Variants in EFNB1 observed in about 807,000 individuals in gnomAD.
The protein encoded by EFNB1 is ephrin-B1.
A neutral mutation model predicts 18.1 loss-of-function variants in EFNB1; 1 was observed. The ratio of observed to expected loss-of-function variants is 0.06; its 90% CI spans 0.02 to 0.26. EFNB1 has a LOEUF of 0.26. Ranked by LOEUF, EFNB1 falls within the 10% of genes least tolerant of loss-of-function variation. The pLI, the probability that EFNB1 is intolerant of heterozygous loss-of-function variation, is 1.00. For synonymous variants in EFNB1, 131 were observed against 127.5 expected, an observed-to-expected ratio of 1.03 and a Z score of -0.19; for missense variants, 221 against 301.8, an observed-to-expected ratio of 0.73 and a Z score of 1.98.
intron 1 of EFNB1, among the ~76,000 whole-genome samples, chrX:68,835,052 G>T (rs1289876922): frequency 8.9e-6 from 1 of 112,294 alleles, no homozygotes; most frequent in Non-Finnish European, 1.9e-5. Context: ...CATATCCCAG[G>T]ATTCTTTGTG....
At chrX:68,838,139 G>A (rs1035429825) in intron 1 of EFNB1, among the ~76,000 whole-genome samples, 1 of 44,235 alleles carries the variant, frequency 2.3e-5, no homozygotes, top group African/African-American at 1.5e-4. Flanking sequence ...GTATGTGTGT[G>A]TGTGTGTGTG....
chrX:68,836,003 C>G (rs1296161895), intron 1 of EFNB1, among the ~76,000 whole-genome samples: 1 of 111,586 alleles, frequency 9.0e-6, no homozygotes, highest in African/African-American at 3.3e-5. Context: ...TCTCCCTTTC[C>G]GTGCCCTCTA....
intron 1 of EFNB1, among the ~76,000 whole-genome samples, chrX:68,834,994 C>A (rs2080456914): frequency 8.9e-6 from 1 of 112,455 alleles, no homozygotes; most frequent in African/African-American, 3.2e-5. Context: ...TGGTTTCTGG[C>A]CAGTCCAGGG....
chrX:68,829,821 G>C lies in EFNB1; in HGVS notation c.45G>C (p.Ala15=). ...GTTGGCTCGGCAAGTGGCTTGTGGCGATGGTCGTGTGGGCGCTGTGCCGGC... is the reference window on the plus strand; with the variant it reads ...GTTGGCTCGGCAAGTGGCTTGTGGCCATGGTCGTGTGGGCGCTGTGCCGGC... ...GQRWLGKWLV[A]MVVWALCRLA... Residue 15 remains alanine, a synonymous_variant, in exon 1 of 5, where the codon GCG becomes GCC. Coordinates refer to ENST00000204961, the MANE Select transcript of EFNB1 (RefSeq NM_004429.5). 1 of 1,183,790 alleles carries C rather than the reference G, an allele frequency of 8.4e-7. No individual in the cohort carries two copies. The highest frequency in any genetic ancestry group is 1.9e-5 in the South Asian group (1 of 53,653).
chrX:68,840,480 G>A lies in EFNB1; in HGVS notation c.867G>A (p.Lys289=). 8.3e-7 allele frequency: 1 copy of A among 1,211,280 alleles called. No homozygotes were observed. The highest frequency in any genetic ancestry group is 1.8e-5 in the South Asian group (1 of 56,886). Reference sequence around the variant, plus strand: ...CGCTCAGTACCCTGGCCAGTCCCAAGGGGGGCAGTGGCACAGCGGGCACCG... The same window carrying A: ...CGCTCAGTACCCTGGCCAGTCCCAAAGGGGGCAGTGGCACAGCGGGCACCG... ...ALSLSTLASP[K]GGSGTAGTEP... The change falls in exon 5 of 5, where the codon AAG becomes AAA. Residue 289 remains lysine, a synonymous_variant. Coordinates refer to ENST00000204961, the MANE Select transcript of EFNB1 (RefSeq NM_004429.5).
rs898377370 is a variant in EFNB1, at chrX:68,829,634, G to A, written c.-143G>A. The stretch of plus-strand genomic sequence containing the variant: ...GGCGGAGAAGAGCGACACCGAAGCC[G>A]GCGGGAGGGGAGCACTTCAAGGCCG... On this transcript the variant is annotated 5_prime_UTR_variant, in exon 1 of 5. Transcript: ENST00000204961. 6.9e-6 allele frequency: 7 copies of A among 1,017,686 alleles called. No individual in the cohort carries two copies. The African/African-American group carries it at 1.1e-4, about 16-fold the overall frequency. The allele number at this position is 1,017,686 out of a possible 1,213,427, so 83.9% of individuals were successfully genotyped here.
chrX:68,838,544 C>T (rs1001112997), intron 1 of EFNB1, 73 bp from the exon 2 acceptor site: 535 of 1,175,096 alleles, frequency 4.6e-4, no homozygotes, highest in Non-Finnish European at 5.9e-4. Context: ...GGCTCTTGTC[C>T]GCTTCCCTGG....
rs776263722 is a variant in EFNB1, at chrX:68,829,794, G to A, written c.18G>A (p.Gln6=). MARPG[Q]RWLGKWLVAM... ...CCGGGAAGATGGCTCGGCCTGGGCA[G>A]CGTTGGCTCGGCAAGTGGCTTGTGG... Residue 6 remains glutamine, a synonymous_variant, in exon 1 of 5, where the codon CAG becomes CAA. Coordinates refer to ENST00000204961, the MANE Select transcript of EFNB1 (RefSeq NM_004429.5). The A allele has an allele frequency of 1.3e-4, 159 of 1,190,625 alleles. No homozygotes were observed. In the South Asian group the frequency reaches 2.8e-3, roughly 21 times the overall value.
chrX:68,837,369 C>T (rs1220645283), intron 1 of EFNB1, among the ~76,000 whole-genome samples: 1 of 111,702 alleles, frequency 9.0e-6, no homozygotes, highest in African/African-American at 3.3e-5. Flanking sequence ...GCCTTGTCTC[C>T]CCACCACAAT....
chrX:68,841,767 G>A lies in EFNB1; in HGVS notation c.*1113G>A, dbSNP rs771597894. The A allele has an allele frequency of 8.8e-6, 1 of 113,872 alleles. No homozygotes were observed. Among genetic ancestry groups the A allele is most frequent in the Admixed American group, 9.2e-5 (1 of 10,899 alleles). The allele number at this position is 113,872 out of a possible 1,213,427, so 9.4% of individuals were successfully genotyped here. On this transcript the variant is annotated 3_prime_UTR_variant, in exon 5 of 5. Coordinates refer to ENST00000204961, the MANE Select transcript of EFNB1 (RefSeq NM_004429.5). The stretch of plus-strand genomic sequence containing the variant: ...AGTCTTGGGCTGGGGCCTGGAAAGA[G>A]GAAGAGGCTGCCTGGGGCTGGGCCA...
rs1232247468 is a variant in EFNB1 at position 68,838,117 on chromosome X, C to CTG, written c.129-488_129-487dup. Among the ~76,000 whole-genome samples, 14 of 81,005 alleles carry CTG rather than the reference C, an allele frequency of 1.7e-4. No homozygotes were observed. The East Asian group carries it at 3.0e-3, about 17-fold the overall frequency. 70.3% of individuals were successfully genotyped at this position (81,005 alleles called of 115,157 possible). ...GGTGACTAAGACATGTGTGGGCTTGCTGTGTGTGTGTGTATGTGTGTGTGT... is the reference window on the plus strand; with the variant it reads ...GGTGACTAAGACATGTGTGGGCTTGCTGTGTGTGTGTGTGTATGTGTGTGTGT... On this transcript the variant is annotated intron_variant, in intron 1 of 4. Coordinates refer to ENST00000204961, the MANE Select transcript of EFNB1 (RefSeq NM_004429.5).
chrX:68,836,977 T>C (rs2147975780), intron 1 of EFNB1, among the ~76,000 whole-genome samples: 1 of 111,743 alleles, frequency 8.9e-6, no homozygotes, highest in East Asian at 2.8e-4. Context: ...GTGTGTTGAC[T>C]TCTTATTCCT....
In EFNB1 at chrX:68,829,642, GGGAGCACTTCAAGGCCGGCGGCTGC is replaced by G. The variant is rs2080438566; in HGVS notation, c.-130_-106del. 2.9e-6 allele frequency: 3 copies of G among 1,048,343 alleles called. No individual in the cohort carries two copies. The highest frequency in any genetic ancestry group is 6.7e-5 in the East Asian group (2 of 29,913). 86.4% of individuals were successfully genotyped at this position (1,048,343 alleles called of 1,213,427 possible). On this transcript the variant is annotated 5_prime_UTR_variant, in exon 1 of 5. Transcript: ENST00000204961. Reference sequence around the variant, plus strand: ...AGAGCGACACCGAAGCCGGCGGGAGGGGAGCACTTCAAGGCCGGCGGCTGCGGAGGATGGGCGCCTGAGCGGCTCC... The same window carrying G: ...AGAGCGACACCGAAGCCGGCGGGAGGGGAGGATGGGCGCCTGAGCGGCTCC...
chrX:68,829,446 A>G lies in EFNB1; in HGVS notation c.-331A>G, dbSNP rs1354343983. 6.9e-6 allele frequency: 2 copies of G among 288,169 alleles called. No individual in the cohort carries two copies. The highest frequency in any genetic ancestry group is 1.2e-5 in the Non-Finnish European group (2 of 162,487). The allele number at this position is 288,169 out of a possible 1,213,427, so 23.7% of individuals were successfully genotyped here. ...TCGGGGAGAGGGCGCGCAGCCCCGA[A>G]GCGTCTCGGGAAGTCGAGCGGAATC... On this transcript the variant is annotated 5_prime_UTR_variant, in exon 1 of 5. Transcript: ENST00000204961.
At chrX:68,840,185 C>G in intron 4 of EFNB1, 57 bp from the exon 5 acceptor site, 1 of 1,210,279 alleles carries the variant, frequency 8.3e-7, no homozygotes, top group Non-Finnish European at 1.1e-6. Context: ...GGCCTGAAAT[C>G]TGCTGTGTGT....
At chrX:68,830,186 C>T (rs2080441107) in intron 1 of EFNB1, among the ~76,000 whole-genome samples, 1 of 111,458 alleles carries the variant, frequency 9.0e-6, no homozygotes, top group Non-Finnish European at 1.9e-5. Context: ...CTGGGGAGTC[C>T]GGGCGCCCGA....
At chrX:68,836,227 C>T (rs2080460422) in intron 1 of EFNB1, among the ~76,000 whole-genome samples, 1 of 111,812 alleles carries the variant, frequency 8.9e-6, no homozygotes, top group African/African-American at 3.3e-5. Flanking sequence ...TCTAATCCTG[C>T]CATCTGGATG....
chrX:68,839,412 C>A (rs958746689), intron 2 of EFNB1, among the ~76,000 whole-genome samples: 35 of 112,374 alleles, frequency 3.1e-4, no homozygotes, highest in African/African-American at 1.1e-3. Context: ...ACCGAGGGGC[C>A]ATGGCCTGCT....
intron 1 of EFNB1, among the ~76,000 whole-genome samples, chrX:68,838,282 A>G (rs2147976327): frequency 9.1e-6 from 1 of 110,496 alleles, no homozygotes; most frequent in East Asian, 2.9e-4. Flanking sequence ...TCCAGGTAGC[A>G]TGGGCCTGAC....
Sources: gnomAD v4.1 joint callset for allele counts (sites outside exome capture counted in the v4.1 genomes callset) on GRCh38, gnomAD v4.1.1 for gene constraint, MANE v1.5 for transcripts, NCBI Gene and HGNC (gene_info 2026-07-23, HGNC 2026-07-21) for gene names.